The following CCSER1 variants were observed in gnomAD, a reference collection of about 807,000 sequenced individuals.
The protein encoded by CCSER1 is coiled-coil serine rich protein 1.
A neutral mutation model predicts 82.0 loss-of-function variants in CCSER1; 41 were observed. That is an observed-to-expected ratio of 0.50 (90% CI 0.39 to 0.65). The LOEUF is 0.65. Ranked by LOEUF, CCSER1 falls within the 30% of genes least tolerant of loss-of-function variation. The pLI is 0.00. For missense variants in CCSER1, 1,119 were observed against 1,064.2 expected, an observed-to-expected ratio of 1.05 and a Z score of -0.72; for synonymous variants, 414 against 383.9, an observed-to-expected ratio of 1.08 and a Z score of -0.92.
chr4:90,877,199 A>G (rs1183598698), intron 8 of CCSER1, among the ~76,000 whole-genome samples: 1 of 152,148 alleles, frequency 6.6e-6, no homozygotes, highest in East Asian at 1.9e-4. Context: ...AGTTACTGAT[A>G]TAGTCAGAGT....
At chr4:90,758,805 A>G (rs1749968313) in intron 7 of CCSER1, among the ~76,000 whole-genome samples, 1 of 152,216 alleles carries the variant, frequency 6.6e-6, no homozygotes, top group Non-Finnish European at 1.5e-5. Context: ...TATGTTGAAT[A>G]GAAAAATAAC....
At chr4:90,343,717 A>G (rs937063013) in intron 3 of CCSER1, among the ~76,000 whole-genome samples, 3 of 152,140 alleles carry the variant, frequency 2.0e-5, no homozygotes, top group African/African-American at 7.2e-5. Flanking sequence ...AAAGTGTTTC[A>G]TGTTACTTTT....
At chr4:90,374,741 C>T (rs945482824) in intron 3 of CCSER1, among the ~76,000 whole-genome samples, 1 of 152,130 alleles carries the variant, frequency 6.6e-6, no homozygotes, top group Non-Finnish European at 1.5e-5. Flanking sequence ...TTTCAGATTA[C>T]AATGCTATTC....
intron 10 of CCSER1, among the ~76,000 whole-genome samples, chr4:91,383,359 T>A (rs1371580876): frequency 6.6e-6 from 1 of 152,054 alleles, no homozygotes; most frequent in Non-Finnish European, 1.5e-5. Context: ...CACTTTTTTT[T>A]TTCAAAAAGG....
At chr4:90,753,670 G>A (rs1430660509) in intron 7 of CCSER1, among the ~76,000 whole-genome samples, 2 of 151,994 alleles carry the variant, frequency 1.3e-5, no homozygotes, top group Non-Finnish European at 2.9e-5. Flanking sequence ...TTTCCCACAT[G>A]GGAGCCAGAG....
chr4:91,081,719 A>C (rs1425497270), intron 9 of CCSER1, among the ~76,000 whole-genome samples: 1 of 152,244 alleles, frequency 6.6e-6, no homozygotes, highest in South Asian at 2.1e-4. Context: ...GCAAAGTCTC[A>C]GGATACAAAA....
chr4:90,859,096 TG>T (rs1444153613), intron 8 of CCSER1, among the ~76,000 whole-genome samples: 1 of 151,892 alleles, frequency 6.6e-6, no homozygotes, highest in Non-Finnish European at 1.5e-5. Flanking sequence ...GTGACAGAAG[TG>T]ACCAGTGACC....
At chr4:91,369,351 GT>G (rs1749855704) in intron 10 of CCSER1, among the ~76,000 whole-genome samples, 1 of 152,144 alleles carries the variant, frequency 6.6e-6, no homozygotes, top group Non-Finnish European at 1.5e-5. Context: ...ATAAATATTT[GT>G]TTTTGTAAGC....
intron 10 of CCSER1, among the ~76,000 whole-genome samples, chr4:91,152,615 A>G (rs1730347722): frequency 6.6e-6 from 1 of 152,154 alleles, no homozygotes; most frequent in Non-Finnish European, 1.5e-5. Context: ...TCCTAGCATC[A>G]ATGGTCTTCA....
intron 8 of CCSER1, among the ~76,000 whole-genome samples, chr4:90,904,788 C>A (rs540961017): frequency 6.6e-5 from 10 of 152,154 alleles, no homozygotes; most frequent in African/African-American, 2.2e-4. Context: ...ATCAGCTAAA[C>A]CCTGTTATAT....
chr4:91,594,372 T>C (rs563693234), intron 10 of CCSER1, among the ~76,000 whole-genome samples: 310 of 136,752 alleles, frequency 2.3e-3, no homozygotes, highest in African/African-American at 7.7e-3. Flanking sequence ...TATATACACA[T>C]ATATATACAC....
At chr4:90,422,056 C>A (rs1361280191) in intron 4 of CCSER1, among the ~76,000 whole-genome samples, 23 of 152,136 alleles carry the variant, frequency 1.5e-4, no homozygotes, top group Admixed American at 1.4e-3. Flanking sequence ...TGAGGTGTTA[C>A]AATCACATAT....
chr4:91,007,812 T>C (rs1448202635), intron 9 of CCSER1, among the ~76,000 whole-genome samples: 3 of 152,120 alleles, frequency 2.0e-5, no homozygotes, highest in Admixed American at 1.3e-4. Flanking sequence ...TTTACTAGTT[T>C]CTTGAGGTGT....
chr4:91,091,498 G>A (rs1014287799), intron 10 of CCSER1, among the ~76,000 whole-genome samples: 1 of 152,168 alleles, frequency 6.6e-6, no homozygotes, highest in Non-Finnish European at 1.5e-5. Context: ...CCTCTGTGTG[G>A]GAAGAAGCAG....
chr4:90,696,684 CT>C (rs1221670500), intron 6 of CCSER1, among the ~76,000 whole-genome samples: 1 of 152,110 alleles, frequency 6.6e-6, no homozygotes, highest in Non-Finnish European at 1.5e-5. Flanking sequence ...TTATTTAGCA[CT>C]TTGTGTGCCA....
At chr4:90,926,122 C>A (rs149904139) in intron 9 of CCSER1, among the ~76,000 whole-genome samples, 2 of 151,816 alleles carry the variant, frequency 1.3e-5, no homozygotes, top group African/African-American at 2.4e-5. Flanking sequence ...ATTTTATATG[C>A]AATAATAATC....
chr4:91,038,777 G>C (rs926914151), intron 9 of CCSER1, among the ~76,000 whole-genome samples: 1 of 152,092 alleles, frequency 6.6e-6, no homozygotes, highest in African/African-American at 2.4e-5. Context: ...CTCAAATCAT[G>C]ATATGAAATG....
Position 91,216,995 on chromosome 4 carries a change from G to A in CCSER1, c.2217+131001G>A, listed in dbSNP as rs544291561. Among the ~76,000 whole-genome samples the A allele has an allele frequency of 1.2e-4, 19 of 152,244 alleles. No homozygotes were observed. In the South Asian group the frequency reaches 3.5e-3, roughly 28 times the overall value. On this transcript the variant is annotated intron_variant, in intron 10 of 10. Coordinates refer to ENST00000509176, the MANE Select transcript of CCSER1 (RefSeq NM_001145065.2). The stretch of plus-strand genomic sequence containing the variant: ...TCACTGACTTCAAGAATGAAGCCGC[G>A]GACCCTCGCGGTGAGTGTTACAGCT...
At chr4:90,212,828 G>A (rs1740285295) in intron 1 of CCSER1, among the ~76,000 whole-genome samples, 1 of 152,188 alleles carries the variant, frequency 6.6e-6, no homozygotes. Flanking sequence ...ATCTTTGGGT[G>A]GCTAATTTGT....
Sources: allele counts gnomAD v4.1 joint callset (sites outside exome capture counted in the v4.1 genomes callset), GRCh38; gene constraint gnomAD v4.1.1; transcripts MANE v1.5; gene names NCBI Gene and HGNC (gene_info 2026-07-23, HGNC 2026-07-21).